The following PFKFB3 variants were observed in gnomAD, a reference collection of about 807,000 sequenced individuals.
PFKFB3 encodes 6-phosphofructo-2-kinase/fructose-2,6-bisphosphatase 3.
A neutral mutation model predicts 68.0 loss-of-function variants in PFKFB3; 33 were observed. The ratio of observed to expected loss-of-function variants is 0.49; its 90% CI spans 0.37 to 0.65. The LOEUF (loss-of-function observed/expected upper bound fraction) is 0.65, where lower values mean the gene tolerates loss of function less well. Among genes scored for constraint, PFKFB3 ranks in the 30% least tolerant of loss-of-function variants. The pLI, the probability that PFKFB3 is intolerant of heterozygous loss-of-function variation, is 0.00. For synonymous variants in PFKFB3, 315 were observed against 288.2 expected (o/e 1.09, Z -0.94); for missense variants, 586 against 712.2 (o/e 0.82, Z 2.02).
At chr10:6,213,281 C>T (rs1352270246) in intron 1 of PFKFB3, among the ~76,000 whole-genome samples, 1 of 152,020 alleles carries the variant, frequency 6.6e-6, no homozygotes, top group Admixed American at 6.6e-5. Flanking sequence ...GCCTGTAATC[C>T]CAGCACTCTG....
At chr10:6,274,298 T>C in the PFKFB3 span, among the ~76,000 whole-genome samples, 1 of 152,188 alleles carries the variant, frequency 6.6e-6, no homozygotes. Context: ...ACTGAAGCTT[T>C]TTTGTGTGTG....
intron 1 of PFKFB3, among the ~76,000 whole-genome samples, chr10:6,194,841 A>G (rs1017492242): frequency 2.0e-5 from 3 of 151,810 alleles, no homozygotes; most frequent in African/African-American, 7.3e-5. Context: ...TTCTCATGGC[A>G]AGGATGGGCT....
At chr10:6,263,606 A>G in the PFKFB3 span, among the ~76,000 whole-genome samples, 1 of 152,334 alleles carries the variant, frequency 6.6e-6, no homozygotes, top group East Asian at 1.9e-4. Flanking sequence ...CAAGGGGGAA[A>G]TGAAGAGTCC....
intron 1 of PFKFB3, among the ~76,000 whole-genome samples, chr10:6,159,709 A>G (rs953527708): frequency 1.3e-5 from 2 of 150,622 alleles, no homozygotes; most frequent in African/African-American, 2.4e-5. Flanking sequence ...AAAAAAAAAA[A>G]CAAAACACCA....
rs377164405 is a variant in PFKFB3 at position 6,210,400 on chromosome 10, A to T, written c.77-3223A>T. 1.4e-4 allele frequency among the ~76,000 whole-genome samples: 12 copies of T among 83,214 alleles called. 1 individual carries two copies. Among genetic ancestry groups the T allele is most frequent in the Non-Finnish European group, 3.0e-4 (11 of 36,986 alleles). 54.6% of individuals were successfully genotyped at this position (83,214 alleles called of 152,430 possible). On this transcript the variant is annotated intron_variant, in intron 1 of 14. Transcript: ENST00000379775. ...TTTTGAGACGAAGTTTCGCTCTGTC[A>T]CCCAGGCTGGAGTGCAGTGGCGCTA...
chr10:6,218,425 T>C (rs982590163), intron 6 of PFKFB3, among the ~76,000 whole-genome samples: 2 of 141,980 alleles, frequency 1.4e-5, no homozygotes. Flanking sequence ...TATTTATTTA[T>C]TTATTTATTT....
the PFKFB3 span, among the ~76,000 whole-genome samples, chr10:6,307,251 A>G: frequency 6.6e-6 from 1 of 152,120 alleles, no homozygotes; most frequent in South Asian, 2.1e-4. Flanking sequence ...GCCAGCCCCC[A>G]GAATCCCATG....
the PFKFB3 span, among the ~76,000 whole-genome samples, chr10:6,262,174 G>T: frequency 1.3e-5 from 2 of 151,980 alleles, no homozygotes; most frequent in African/African-American, 2.4e-5. Context: ...AAAGCTGTTG[G>T]CCGGGCGTGG....
At chr10:6,290,691 A>G in the PFKFB3 span, among the ~76,000 whole-genome samples, 1 of 151,910 alleles carries the variant, frequency 6.6e-6, no homozygotes, top group African/African-American at 2.4e-5. Flanking sequence ...GTTAGTAGAG[A>G]CGGGGTTTCA....
At chr10:6,180,136 A>C (rs1219162049) in intron 1 of PFKFB3, among the ~76,000 whole-genome samples, 2 of 152,074 alleles carry the variant, frequency 1.3e-5, no homozygotes, top group Non-Finnish European at 2.9e-5. Context: ...TGAGCCCAGG[A>C]GTTTGTGAGC....
At chr10:6,150,255 A>T (rs1015628810) in intron 1 of PFKFB3, among the ~76,000 whole-genome samples, 1 of 152,192 alleles carries the variant, frequency 6.6e-6, no homozygotes, top group Non-Finnish European at 1.5e-5. Flanking sequence ...GGTGGTAGCA[A>T]GTGTTTCATA....
intron 1 of PFKFB3, among the ~76,000 whole-genome samples, chr10:6,163,072 T>C (rs1272182406): frequency 6.6e-6 from 1 of 152,220 alleles, no homozygotes; most frequent in Non-Finnish European, 1.5e-5. Flanking sequence ...TTCTGTGTTT[T>C]CCCCAGGAAT....
chr10:6,269,044 AAGTT>A, the PFKFB3 span, among the ~76,000 whole-genome samples: 1 of 146,170 alleles, frequency 6.8e-6, no homozygotes, highest in South Asian at 2.1e-4. Flanking sequence ...AAAAAAAAAA[AAGTT>A]AAAGATTTTT....
At chr10:6,232,821 G>C (rs371402215) in intron 14 of PFKFB3, 74 bp from the exon 15 acceptor site, 1 of 1,144,778 alleles carries the variant, frequency 8.7e-7, no homozygotes, top group Non-Finnish European at 1.3e-6. Context: ...TGCATGGCTC[G>C]CGTCTTCTGC....
chr10:6,162,952 G>C (rs1842010413), intron 1 of PFKFB3, among the ~76,000 whole-genome samples: 1 of 152,190 alleles, frequency 6.6e-6, no homozygotes, highest in Non-Finnish European at 1.5e-5. Flanking sequence ...CATGGATGGA[G>C]CTGGGAAACA....
upstream of PFKFB3, among the ~76,000 whole-genome samples, chr10:6,200,671 G>A (rs1308902888): frequency 1.5e-5 from 2 of 134,952 alleles, no homozygotes; most frequent in Non-Finnish European, 3.4e-5. Flanking sequence ...GGGGGGGGGG[G>A]GGGGCGGGGG....
chr10:6,204,107 T>A (rs1843528151), intron 1 of PFKFB3, among the ~76,000 whole-genome samples: 1 of 152,156 alleles, frequency 6.6e-6, no homozygotes, highest in Non-Finnish European at 1.5e-5. Context: ...GGCAGTACCC[T>A]GCCCCGCCCC....
At chr10:6,185,639 C>CTTTTTTT (rs59230234) in intron 1 of PFKFB3, among the ~76,000 whole-genome samples, 1 of 120,538 alleles carries the variant, frequency 8.3e-6, no homozygotes, top group Non-Finnish European at 1.7e-5. Flanking sequence ...CTCCCCGCTC[C>CTTTTTTT]TTTTTTTTTT....
At chr10:6,156,291 C>T (rs190880028) in intron 1 of PFKFB3, among the ~76,000 whole-genome samples, 21 of 151,552 alleles carry the variant, frequency 1.4e-4, no homozygotes, top group African/African-American at 4.8e-4. Context: ...GTAGCTGGGA[C>T]CGCAGGTGTG....
Sources: allele counts gnomAD v4.1 joint callset (sites outside exome capture counted in the v4.1 genomes callset), GRCh38; gene constraint gnomAD v4.1.1; transcripts MANE v1.5; gene names NCBI Gene and HGNC (gene_info 2026-07-23, HGNC 2026-07-21).